Variants in SYNJ2 observed in about 807,000 individuals in gnomAD.
The protein encoded by SYNJ2 is synaptojanin 2, also known as polyphosphatidylinositol phosphatase SYNJ2.
In SYNJ2, 116 loss-of-function variants were observed where a neutral mutation model predicts 141.3. That is an observed-to-expected ratio of 0.82 (90% confidence interval 0.71 to 0.96). The LOEUF (loss-of-function observed/expected upper bound fraction) is 0.96, where lower values mean the gene tolerates loss of function less well. Ranked by LOEUF, SYNJ2 falls within the 40% of genes least tolerant of loss-of-function variation. The pLI is 0.00. For missense variants in SYNJ2, 1,873 were observed against 1,934.8 expected (o/e 0.97, Z 0.60); for synonymous variants, 745 against 777.7 (o/e 0.96, Z 0.70).
In SYNJ2 at chr6:158,040,606, G is replaced by A. The variant is rs1448039977; in HGVS notation, c.712-2710G>A. Among the ~76,000 whole-genome samples the A allele has an allele frequency of 6.6e-6, 1 of 152,178 alleles. No homozygotes were observed. Among genetic ancestry groups the A allele is most frequent in the Non-Finnish European group, 1.5e-5 (1 of 68,034 alleles). ...GCCACTGACTCATTCAGGGAGGTTA[G>A]GATGACTGCGTGTCCTCCCAGGAAT... On this transcript the variant is annotated intron_variant, in intron 4 of 26. Coordinates refer to ENST00000355585, the MANE Select transcript of SYNJ2 (RefSeq NM_003898.4). The surrounding 1 kb of genome is among the most constrained non-coding windows in gnomAD (Gnocchi z 4.2).
chr6:158,014,904 CTGACTA>C (rs1430806228), intron 1 of SYNJ2, among the ~76,000 whole-genome samples: 1 of 152,196 alleles, frequency 6.6e-6, no homozygotes, highest in Non-Finnish European at 1.5e-5. Flanking sequence ...ATGGGACTGT[CTGACTA>C]TATTTCCAAT....
intron 2 of SYNJ2, among the ~76,000 whole-genome samples, chr6:158,018,693 C>T (rs1778601356): frequency 6.6e-6 from 1 of 152,186 alleles, no homozygotes; most frequent in South Asian, 2.1e-4. Context: ...AAGAGCTAGC[C>T]GTACATTCAC....
chr6:158,017,384 G>T, intron 2 of SYNJ2, 94 bp downstream of exon 2: 6 of 1,174,564 alleles, frequency 5.1e-6, no homozygotes, highest in South Asian at 3.3e-5. Flanking sequence ...CATTCTGTTT[G>T]ACCGCTCTTC....
chr6:157,994,896 C>G (rs1429728040), intron 1 of SYNJ2, among the ~76,000 whole-genome samples: 1 of 152,150 alleles, frequency 6.6e-6, no homozygotes, highest in Non-Finnish European at 1.5e-5. Context: ...CAGGGGGTTC[C>G]TGGCCAGGAG....
At chr6:158,013,067 TA>T (rs1778324850) in intron 1 of SYNJ2, among the ~76,000 whole-genome samples, 1 of 152,186 alleles carries the variant, frequency 6.6e-6, no homozygotes, top group South Asian at 2.1e-4. Flanking sequence ...TTAGCCCCCA[TA>T]AAAATACATA....
chr6:158,081,653 G>A (rs1377090190), intron 20 of SYNJ2, 143 bp downstream of exon 20: 1 of 633,406 alleles, frequency 1.6e-6, no homozygotes, highest in African/African-American at 2.5e-5. Flanking sequence ...ACAAAGTCTT[G>A]CTCTGTCATT....
At chr6:158,055,401 A>G (rs1358226311) in intron 6 of SYNJ2, among the ~76,000 whole-genome samples, 3 of 152,204 alleles carry the variant, frequency 2.0e-5, no homozygotes, top group African/African-American at 7.2e-5. Context: ...AGAAAAGTAT[A>G]AAGTGAAAAA....
chr6:157,992,380 C>T (rs1218578150), intron 1 of SYNJ2, among the ~76,000 whole-genome samples: 2 of 130,920 alleles, frequency 1.5e-5, no homozygotes, highest in Non-Finnish European at 3.4e-5. Context: ...CAATGTTTGT[C>T]TTTCTGTGCC....
chr6:158,069,797 T>C (rs934421100), intron 14 of SYNJ2, 124 bp downstream of exon 14: 3 of 1,246,718 alleles, frequency 2.4e-6, no homozygotes, highest in Admixed American at 5.8e-5. Flanking sequence ...TACCATTATT[T>C]TAGATAAATG....
chr6:157,997,312 A>C (rs76410101), intron 1 of SYNJ2, among the ~76,000 whole-genome samples: 2 of 152,190 alleles, frequency 1.3e-5, no homozygotes, highest in Non-Finnish European at 2.9e-5. Context: ...TGCAGATGCA[A>C]TGAAGATGTA....
intron 1 of SYNJ2, among the ~76,000 whole-genome samples, chr6:157,993,963 C>T (rs886783870): frequency 1.3e-4 from 19 of 151,234 alleles, no homozygotes; most frequent in African/African-American, 3.4e-4. Context: ...TACAGGCGCC[C>T]GCCACCACCC....
intron 23 of SYNJ2, among the ~76,000 whole-genome samples, chr6:158,088,001 GTATAT>G: frequency 1.2e-5 from 1 of 80,192 alleles, no homozygotes; most frequent in South Asian, 6.1e-4. Flanking sequence ...ATGGCTGCAA[GTATAT>G]TTTAACAGTT....
At chr6:158,080,304 A>G (rs1782588953) in intron 18 of SYNJ2, among the ~76,000 whole-genome samples, 2 of 151,964 alleles carry the variant, frequency 1.3e-5, no homozygotes, top group Admixed American at 6.6e-5. Flanking sequence ...GCAAAACCCC[A>G]TCTCTACCAA....
chr6:157,988,888 G>T (rs962691242), intron 1 of SYNJ2, among the ~76,000 whole-genome samples: 1 of 152,186 alleles, frequency 6.6e-6, no homozygotes, highest in Non-Finnish European at 1.5e-5. Context: ...ACAGGAGGCT[G>T]TCAGTGGGCA....
chr6:158,049,613 A>G (rs1780446553), intron 5 of SYNJ2, among the ~76,000 whole-genome samples: 1 of 152,206 alleles, frequency 6.6e-6, no homozygotes, highest in Admixed American at 6.5e-5. Flanking sequence ...CAACTTGTTT[A>G]GGGGATGGAG....
chr6:158,091,043 C>T (rs568021388), intron 25 of SYNJ2, among the ~76,000 whole-genome samples: 90 of 151,972 alleles, frequency 5.9e-4, no homozygotes, highest in African/African-American at 1.9e-3. Flanking sequence ...CTAGGCCGGG[C>T]GCGGTGGCTC....
intron 25 of SYNJ2, among the ~76,000 whole-genome samples, chr6:158,092,544 G>T (rs1347983341): frequency 6.6e-6 from 1 of 151,560 alleles, no homozygotes; most frequent in Non-Finnish European, 1.5e-5. Context: ...GGAGGCTGAG[G>T]TAAGAAGACT....
Position 158,068,782 on chromosome 6 carries a change from G to A in SYNJ2, c.1799+54G>A, listed in dbSNP as rs1781725227. On this transcript the variant is annotated intron_variant, in intron 13 of 26. Coordinates refer to ENST00000355585, the MANE Select transcript of SYNJ2 (RefSeq NM_003898.4). ...AGGGACTTCCTGAGTCAGGTGCCTG[G>A]CTGGGAGCAGAGCCTCTGAGGCTCT... 10 of 1,597,072 alleles carry A rather than the reference G, an allele frequency of 6.3e-6. No homozygotes were observed. In the East Asian group the frequency reaches 2.2e-4, roughly 36 times the overall value.
At chr6:158,020,321 G>A (rs952541466) in intron 2 of SYNJ2, among the ~76,000 whole-genome samples, 5 of 148,808 alleles carry the variant, frequency 3.4e-5, no homozygotes, top group African/African-American at 1.3e-4. Context: ...CTCCAACTGT[G>A]GACTGACTCT....
Sources: allele counts gnomAD v4.1 joint callset (sites outside exome capture counted in the v4.1 genomes callset), GRCh38; gene constraint gnomAD v4.1.1; non-coding constraint Gnocchi (gnomAD v3.1); transcripts MANE v1.5; gene names NCBI Gene and HGNC (gene_info 2026-07-23, HGNC 2026-07-21).